STK32B: variants seen among roughly 807,000 people sequenced by gnomAD.
STK32B encodes the protein serine/threonine-protein kinase 32B.
STK32B carries 43 observed loss-of-function variants against 52.6 expected under a neutral mutation model. The ratio of observed to expected loss-of-function variants is 0.82; its 90% CI spans 0.64 to 1.05. The LOEUF is 1.05. STK32B is among the 50% of genes least tolerant of loss of function. The probability of loss-of-function intolerance (pLI) is 0.00; values close to 1 mark genes in which losing one functional copy is unlikely to be tolerated. For missense variants in STK32B, 621 were observed against 534.6 expected (o/e 1.16, Z -1.59); for synonymous variants, 238 against 204.3 (o/e 1.17, Z -1.41).
At chr4:5,178,847 A>G (rs996058674) in intron 3 of STK32B, among the ~76,000 whole-genome samples, 6 of 152,134 alleles carry the variant, frequency 3.9e-5, no homozygotes, top group Non-Finnish European at 5.9e-5. Flanking sequence ...GGCAAAACCA[A>G]CAAGTCTCTA....
rs540505234 is a variant in STK32B at position 5,470,801 on chromosome 4, C to T, written c.1106+2731C>T. ...AAAAAAGTGAGACCTGTTTATCCTT[C>T]ACTTCTGTCTGGAATCCCATGTTAG... On this transcript the variant is annotated intron_variant, in intron 11 of 11. Transcript: ENST00000282908. The surrounding 1 kb of genome is among the most constrained non-coding windows in gnomAD (Gnocchi z 4.6). 6.6e-6 allele frequency among the ~76,000 whole-genome samples: 1 copy of T among 152,248 alleles called. No homozygotes were observed. The highest frequency in any genetic ancestry group is 1.5e-5 in the Non-Finnish European group (1 of 68,048).
At chr4:5,050,896 C>A (rs1741740854), upstream of STK32B, among the ~76,000 whole-genome samples, 1 of 152,204 alleles carries the variant, frequency 6.6e-6, no homozygotes, top group Admixed American at 6.5e-5. Flanking sequence ...AATCCCGAGA[C>A]TCATGCCCAG....
At chr4:5,235,358 G>T (rs1166186509) in intron 3 of STK32B, among the ~76,000 whole-genome samples, 1 of 152,178 alleles carries the variant, frequency 6.6e-6, no homozygotes, top group Non-Finnish European at 1.5e-5. Flanking sequence ...CTGGCTGTAG[G>T]ACCAGGGGTA....
intron 3 of STK32B, among the ~76,000 whole-genome samples, chr4:5,216,270 A>G (rs1370375291): frequency 1.3e-5 from 2 of 152,168 alleles, no homozygotes; most frequent in African/African-American, 2.4e-5. Flanking sequence ...ACACTTTAAG[A>G]ACTGCTGTTA....
At chr4:5,132,044 T>G (rs1715807680) in intron 1 of STK32B, among the ~76,000 whole-genome samples, 1 of 152,180 alleles carries the variant, frequency 6.6e-6, no homozygotes. Context: ...TCTGTTCCTG[T>G]GTTAGTTTGC....
intron 1 of STK32B, among the ~76,000 whole-genome samples, chr4:5,087,203 A>G (rs1423120369): frequency 6.6e-6 from 1 of 152,114 alleles, no homozygotes; most frequent in East Asian, 1.9e-4. Context: ...TAGATTTTGT[A>G]TATATTTGAA....
intron 7 of STK32B, among the ~76,000 whole-genome samples, chr4:5,447,656 C>T (rs868716537): frequency 2.0e-5 from 3 of 152,178 alleles, no homozygotes; most frequent in African/African-American, 7.2e-5. Context: ...AGTACTTTGA[C>T]TAAAATTCAT....
At chr4:5,450,836 T>A (rs1715922804) in intron 7 of STK32B, among the ~76,000 whole-genome samples, 1 of 152,116 alleles carries the variant, frequency 6.6e-6, no homozygotes, top group Non-Finnish European at 1.5e-5. Flanking sequence ...AAAGCCTGTG[T>A]CCTTCCCAAT....
At position 5,287,584 on chromosome 4, in the gene STK32B, G is replaced by A. The variant is rs566530806; in HGVS notation, c.261-43636G>A. 2.0e-5 allele frequency among the ~76,000 whole-genome samples: 3 copies of A among 152,026 alleles called. No individual in the cohort carries two copies. The South Asian group carries it at 6.2e-4, about 32-fold the overall frequency. On this transcript the variant is annotated intron_variant, in intron 3 of 11. Transcript: ENST00000282908. ...GTCTCCTTTTCATCCCTGAAACCAAGCCAACTAGTGTCGTTCCTGCCCCAA... is the reference window on the plus strand; with the variant it reads ...GTCTCCTTTTCATCCCTGAAACCAAACCAACTAGTGTCGTTCCTGCCCCAA...
At position 5,456,935 on chromosome 4, in the gene STK32B, G is replaced by T; in HGVS notation, c.783+12G>T. On this transcript the variant is annotated intron_variant, in intron 8 of 11. Coordinates refer to ENST00000282908, the MANE Select transcript of STK32B (RefSeq NM_018401.3). ...CCCTGCTGAGGAAGGTAAGGGGGCA[G>T]CTTCCAGCCTGCCCCGCCAGGGAGC... 6.6e-7 allele frequency: 1 copy of T among 1,511,122 alleles called. No individual in the cohort carries two copies. Among genetic ancestry groups the T allele is most frequent in the Non-Finnish European group, 8.9e-7 (1 of 1,123,860 alleles). 93.6% of individuals were successfully genotyped at this position (1,511,122 alleles called of 1,614,324 possible).
chr4:5,040,388 ATTT>A, the STK32B span, among the ~76,000 whole-genome samples: 10 of 118,714 alleles, frequency 8.4e-5, no homozygotes, highest in South Asian at 2.8e-4. Flanking sequence ...TGGCAGTAGA[ATTT>A]TTTTTTTTTT....
chr4:5,107,678 A>G lies in STK32B; in HGVS notation c.53-32227A>G, dbSNP rs904063727. ...AAAGAACTCTACCTCATCGTCTGCT[A>G]TTTGATTACCCTGAAATAAAATTCA... On this transcript the variant is annotated intron_variant, in intron 1 of 11. Transcript: ENST00000282908. 9.9e-5 allele frequency among the ~76,000 whole-genome samples: 15 copies of G among 152,220 alleles called. 2 individuals carry two copies. Among genetic ancestry groups the G allele is most frequent in the Admixed American group, 7.9e-4 (12 of 15,280 alleles).
intron 1 of STK32B, among the ~76,000 whole-genome samples, chr4:5,111,451 G>A (rs914732521): frequency 1.3e-5 from 2 of 152,034 alleles, no homozygotes; most frequent in Non-Finnish European, 1.5e-5. Flanking sequence ...GGAAAACATC[G>A]TGTCCTTTGC....
chr4:5,112,419 G>C (rs565594563), intron 1 of STK32B, among the ~76,000 whole-genome samples: 1 of 152,246 alleles, frequency 6.6e-6, no homozygotes, highest in African/African-American at 2.4e-5. Context: ...AAGCCTACAG[G>C]CTCGAGACCC....
At chr4:5,061,317 G>T (rs943999019) in intron 1 of STK32B, among the ~76,000 whole-genome samples, 1 of 152,048 alleles carries the variant, frequency 6.6e-6, no homozygotes, top group Admixed American at 6.6e-5. Context: ...TTTAGTTCTA[G>T]AATTGTCCGT....
intron 4 of STK32B, among the ~76,000 whole-genome samples, chr4:5,364,508 C>T (rs1734748539): frequency 6.6e-6 from 1 of 152,162 alleles, no homozygotes; most frequent in Non-Finnish European, 1.5e-5. Flanking sequence ...TCTCTTTCAC[C>T]AAATTCATAT....
chr4:5,492,660 C>T (rs1719842599), intron 11 of STK32B, among the ~76,000 whole-genome samples: 1 of 150,568 alleles, frequency 6.6e-6, no homozygotes, highest in African/African-American at 2.5e-5. Flanking sequence ...TGCCAGTTTT[C>T]AAAGGGAATG....
intron 1 of STK32B, among the ~76,000 whole-genome samples, chr4:5,116,138 G>A (rs114013469): frequency 0.012 from 1,812 of 152,060 alleles, 38 homozygotes; most frequent in African/African-American, 0.042. Context: ...CACTGCTGGT[G>A]CATCAGCTGC....
At chr4:5,307,517 T>G (rs1730002027) in intron 3 of STK32B, among the ~76,000 whole-genome samples, 1 of 151,808 alleles carries the variant, frequency 6.6e-6, no homozygotes. Flanking sequence ...GCTACCTATT[T>G]CACTGGAGAT....
Sources: gnomAD v4.1 joint callset for allele counts (sites outside exome capture counted in the v4.1 genomes callset) on GRCh38, gnomAD v4.1.1 for gene constraint, Gnocchi (gnomAD v3.1) non-coding constraint, MANE v1.5 for transcripts, NCBI Gene and HGNC (gene_info 2026-07-23, HGNC 2026-07-21) for gene names.